The following TENM3 variants were observed in gnomAD, a reference collection of about 807,000 sequenced individuals.
TENM3 encodes teneurin transmembrane protein 3.
In TENM3, 63 loss-of-function variants were observed where a neutral mutation model predicts 255.1. That is an observed-to-expected ratio of 0.25 (90% CI 0.20 to 0.30). The LOEUF (loss-of-function observed/expected upper bound fraction) is 0.30. TENM3 is among the 10% of genes least tolerant of loss of function. The probability of loss-of-function intolerance (pLI) is 1.00; values close to 1 mark genes in which losing one functional copy is unlikely to be tolerated. For synonymous variants in TENM3, 1,306 were observed against 1,322.3 expected (o/e 0.99, Z 0.27); for missense variants, 2,929 against 3,461.1 (o/e 0.85, Z 3.86).
the TENM3 span, among the ~76,000 whole-genome samples, chr4:182,042,580 A>G: frequency 1.3e-5 from 2 of 152,212 alleles, no homozygotes; most frequent in Non-Finnish European, 2.9e-5. Context: ...AAATTTAGCA[A>G]AAAGTTTTCA....
At chr4:182,038,776 CA>C in the TENM3 span, among the ~76,000 whole-genome samples, 3 of 152,088 alleles carry the variant, frequency 2.0e-5, no homozygotes, top group African/African-American at 7.2e-5. Context: ...TCTTGTTGCC[CA>C]AGCTGGAATG....
chr4:182,100,514 T>C, the TENM3 span, among the ~76,000 whole-genome samples: 6 of 142,530 alleles, frequency 4.2e-5, no homozygotes, highest in Admixed American at 7.1e-5. Context: ...CACATATATA[T>C]ACACACATAT....
At position 182,500,199 on chromosome 4, in the gene TENM3, G is replaced by A. The variant is rs112410544; in HGVS notation, c.512-100725G>A. ...ATCAATGAATTAATTGAGAAATACTGAGAAAATACACGATAACTTGACAAA... is the reference window on the plus strand; with the variant it reads ...ATCAATGAATTAATTGAGAAATACTAAGAAAATACACGATAACTTGACAAA... On this transcript the variant is annotated intron_variant, in intron 3 of 27. Coordinates refer to ENST00000511685, the MANE Select transcript of TENM3 (RefSeq NM_001080477.4). Among the ~76,000 whole-genome samples the A allele has an allele frequency of 3.0e-3, 463 of 152,258 alleles. 2 individuals carry two copies. Among genetic ancestry groups the A allele is most frequent in the Non-Finnish European group, 5.0e-3 (343 of 68,010 alleles).
chr4:182,270,829 T>G (rs1759570972), intron 1 of TENM3, among the ~76,000 whole-genome samples: 3 of 152,186 alleles, frequency 2.0e-5, no homozygotes, highest in Admixed American at 2.0e-4. Context: ...TCTTAATTTT[T>G]TAATATTCTT....
chr4:182,244,697 T>A (rs1195909274), intron 1 of TENM3, among the ~76,000 whole-genome samples: 1 of 152,194 alleles, frequency 6.6e-6, no homozygotes, highest in Non-Finnish European at 1.5e-5. Flanking sequence ...GTCATAGATT[T>A]GTGTAATTCT....
the TENM3 span, among the ~76,000 whole-genome samples, chr4:181,808,449 T>G: frequency 6.6e-6 from 1 of 152,306 alleles, no homozygotes; most frequent in South Asian, 2.1e-4. Flanking sequence ...AAAAAAATTC[T>G]AGTAGAAGCA....
the TENM3 span, among the ~76,000 whole-genome samples, chr4:182,100,822 CAT>C: frequency 0.02 from 215 of 10,514 alleles, 75 homozygotes; most frequent in South Asian, 0.041. Context: ...TATATATACA[CAT>C]ATATATATAT....
chr4:182,579,392 C>T (rs1446374339), intron 3 of TENM3, among the ~76,000 whole-genome samples: 1 of 152,076 alleles, frequency 6.6e-6, no homozygotes, highest in African/African-American at 2.4e-5. Context: ...AACCAAATAA[C>T]ATTTTGAATA....
At chr4:181,573,552 G>A in the TENM3 span, among the ~76,000 whole-genome samples, 1 of 152,056 alleles carries the variant, frequency 6.6e-6, no homozygotes, top group African/African-American at 2.4e-5. Flanking sequence ...AAAAAGATAT[G>A]AATTAGTGAA....
intron 4 of TENM3, among the ~76,000 whole-genome samples, chr4:182,616,429 G>A (rs140551704): frequency 0.061 from 9,028 of 149,168 alleles, 310 homozygotes; most frequent in African/African-American, 0.098. Flanking sequence ...GCTAGATGAC[G>A]AGTTAGTGGG....
chr4:181,737,777 G>A, the TENM3 span, among the ~76,000 whole-genome samples: 1 of 151,594 alleles, frequency 6.6e-6, no homozygotes, highest in Non-Finnish European at 1.5e-5. Flanking sequence ...ATATGCCCAA[G>A]CGGTCATCTG....
At chr4:182,612,271 CAA>C (rs67422711) in intron 4 of TENM3, among the ~76,000 whole-genome samples, 13 of 66,980 alleles carry the variant, frequency 1.9e-4, no homozygotes, top group Admixed American at 3.6e-4. Context: ...GACTCGGTCT[CAA>C]AAAAAAAAAA....
At chr4:182,531,886 C>G (rs869239) in intron 3 of TENM3, among the ~76,000 whole-genome samples, 71,775 of 152,034 alleles carry the variant, frequency 0.47, 17,119 homozygotes, top group East Asian at 0.55. Context: ...ACATGGTGAG[C>G]TGCTCTCATT....
At chr4:182,449,066 A>AG (rs1194880905) in intron 3 of TENM3, 9 of 341,014 alleles carry the variant, frequency 2.6e-5, no homozygotes, top group Non-Finnish European at 3.0e-5. Flanking sequence ...GGCCACAGCG[A>AG]GGGCGCGCCG....
chr4:182,002,528 A>G, the TENM3 span, among the ~76,000 whole-genome samples: 4 of 152,138 alleles, frequency 2.6e-5, no homozygotes, highest in African/African-American at 9.6e-5. Flanking sequence ...TTCTCCTGTG[A>G]TGGTAATACT....
Position 182,800,562 on chromosome 4 carries a change from G to A in TENM3, c.*211G>A. 1 of 549,100 alleles carries A rather than the reference G, an allele frequency of 1.8e-6. No homozygotes were observed. The highest frequency in any genetic ancestry group is 2.3e-5 in the South Asian group (1 of 42,576). 34.0% of individuals were successfully genotyped at this position (549,100 alleles called of 1,614,324 possible). A position where few individuals can be genotyped will look rare whatever the true frequency, so the allele number is the denominator to read the frequency against. ...TAACGAATATGTTTACATATGCATA[G>A]CGCTGCACTCAGTCGGACTGAACGT... On this transcript the variant is annotated 3_prime_UTR_variant, in exon 28 of 28. Transcript: ENST00000511685.
At chr4:182,488,886 A>T (rs1168743238) in intron 3 of TENM3, among the ~76,000 whole-genome samples, 1 of 152,162 alleles carries the variant, frequency 6.6e-6, no homozygotes, top group African/African-American at 2.4e-5. Context: ...TGGGAAGCGG[A>T]GGTAGCAAGG....
At chr4:181,590,938 G>A in the TENM3 span, among the ~76,000 whole-genome samples, 1 of 152,156 alleles carries the variant, frequency 6.6e-6, no homozygotes. Flanking sequence ...ACCATGCTAT[G>A]ATGTCTAAAA....
the TENM3 span, among the ~76,000 whole-genome samples, chr4:181,699,881 A>C: frequency 3.9e-5 from 6 of 152,232 alleles, no homozygotes; most frequent in Non-Finnish European, 8.8e-5. Context: ...AAGATTAACA[A>C]GTCCTCAGAA....
Sources: gnomAD v4.1 joint callset for allele counts (sites outside exome capture counted in the v4.1 genomes callset) on GRCh38, gnomAD v4.1.1 for gene constraint, MANE v1.5 for transcripts, NCBI Gene and HGNC (gene_info 2026-07-23, HGNC 2026-07-21) for gene names.